WDR33: variants seen among roughly 807,000 people sequenced by gnomAD.
WDR33 encodes the protein WD repeat domain 33.
A neutral mutation model predicts 164.9 loss-of-function variants in WDR33; 47 were observed. That is an observed-to-expected ratio of 0.29 (90% confidence interval 0.23 to 0.36). WDR33 has a LOEUF of 0.36. WDR33 is among the 10% of genes least tolerant of loss of function. WDR33 has a pLI of 1.00. For synonymous variants in WDR33, 505 were observed against 589.0 expected, an observed-to-expected ratio of 0.86 and a Z score of 2.06; for missense variants, 1,137 against 1,754.1, an observed-to-expected ratio of 0.65 and a Z score of 6.28.
intron 1 of WDR33, among the ~76,000 whole-genome samples, chr2:127,775,559 A>T (rs1351186324): frequency 6.6e-6 from 1 of 152,236 alleles, no homozygotes; most frequent in East Asian, 1.9e-4. Flanking sequence ...AGCTGGGTGG[A>T]GAGTACCTGG....
chr2:127,736,796 T>A (rs991370836), intron 7 of WDR33: 104 of 985,296 alleles, frequency 1.1e-4, no homozygotes, highest in Non-Finnish European at 1.1e-4. Flanking sequence ...TATACAGGTA[T>A]AAGTTTTGCT....
At chr2:127,732,390 G>A (rs1686734587) in intron 7 of WDR33, among the ~76,000 whole-genome samples, 1 of 151,738 alleles carries the variant, frequency 6.6e-6, no homozygotes, top group Non-Finnish European at 1.5e-5. Flanking sequence ...AGGCTGCAGT[G>A]AACTGATTGC....
rs996428529 is a variant in WDR33, at chr2:127,764,245, A to G, written c.626+583T>C. 30 of 1,167,382 alleles carry G rather than the reference A, an allele frequency of 2.6e-5. No homozygotes were observed. The highest frequency in any genetic ancestry group is 3.1e-5 in the Non-Finnish European group (29 of 946,050). The allele number at this position is 1,167,382 out of a possible 1,614,324, so 72.3% of individuals were successfully genotyped here. A position where few individuals can be genotyped will look rare whatever the true frequency, so the allele number is the denominator to read the frequency against. On this transcript the variant is annotated intron_variant, in intron 6 of 21. Transcript: ENST00000322313. The surrounding 1 kb of genome is among the most constrained non-coding windows in gnomAD (Gnocchi z 6.2). ...AACAGTGAATCAGAAGAAAAGTCCT[A>G]GAGTCTTCTTGACAATGATCTGCTT...
rs11325131 is a variant in WDR33 at position 127,796,074 on chromosome 2, A to ATT, written c.-24+14936_-24+14937dup. On this transcript the variant is annotated intron_variant, in intron 1 of 21. Coordinates refer to ENST00000322313, the MANE Select transcript of WDR33 (RefSeq NM_018383.5). ...TATTAATATTAGGTGATTACTGTTA[A>ATT]TTTTTTTTTTTTTTTTTGAGACAGT... 4.3e-5 allele frequency among the ~76,000 whole-genome samples: 6 copies of ATT among 139,428 alleles called. No individual in the cohort carries two copies. In the East Asian group the frequency reaches 8.3e-4, roughly 19 times the overall value. 91.5% of individuals were successfully genotyped at this position (139,428 alleles called of 152,430 possible).
Position 127,706,481 on chromosome 2 carries a change from G to T in WDR33, c.3853C>A (p.His1285Asn). 1.2e-6 allele frequency: 2 copies of T among 1,613,384 alleles called. No homozygotes were observed. Among genetic ancestry groups the T allele is most frequent in the Non-Finnish European group, 8.5e-7 (1 of 1,179,692 alleles). Residue 1285 changes from histidine to asparagine, a missense_variant, in exon 22 of 22, where the codon CAC becomes AAC. Physicochemically the swap from His to Asn is moderately conservative, Grantham distance 68 (BLOSUM62 1). Around this residue, in one of 9 missense-constraint regions of WDR33, gnomAD observed 867 missense variants for 1,073.0 expected, o/e 0.81. Transcript: ENST00000322313. The surrounding 1 kb of genome is among the most constrained non-coding windows in gnomAD (Gnocchi z 5.1). ...GGTTCATCTCTGTGGTATCCATCGT[G>T]GTGCTCTCCGTCTAAGGAGCTGGAA... ...GRSSSLDGEH[H>N]DGYHRDEPFG...
intron 7 of WDR33, chr2:127,737,538 T>A (rs1686883663): frequency 2.1e-5 from 21 of 986,508 alleles, no homozygotes; most frequent in Non-Finnish European, 2.5e-5. Flanking sequence ...TTCAAAAGAT[T>A]GATGGGAGTC....
In WDR33 at chr2:127,710,212, A is replaced by C. The variant is rs752445998; in HGVS notation, c.3309-356T>G. 2.0e-5 allele frequency among the ~76,000 whole-genome samples: 3 copies of C among 152,226 alleles called. No homozygotes were observed. Among genetic ancestry groups the C allele is most frequent in the African/African-American group, 4.8e-5 (2 of 41,464 alleles). On this transcript the variant is annotated intron_variant, in intron 18 of 21. Coordinates refer to ENST00000322313, the MANE Select transcript of WDR33 (RefSeq NM_018383.5). The surrounding 1 kb of genome is among the most constrained non-coding windows in gnomAD (Gnocchi z 4.4). Reference sequence around the variant, plus strand: ...GAACACTGAGGCCCAGATTGCTGACATCATTTATTCAAGGACACAGAGTAA... The same window carrying C: ...GAACACTGAGGCCCAGATTGCTGACCTCATTTATTCAAGGACACAGAGTAA...
In WDR33 at chr2:127,788,777, GC is replaced by G. The variant is rs1367683077; in HGVS notation, c.-23-17774del. Among the ~76,000 whole-genome samples, 9 of 148,008 alleles carry G rather than the reference GC, an allele frequency of 6.1e-5. No homozygotes were observed. The East Asian group carries it at 1.7e-3, about 28-fold the overall frequency. Reference sequence around the variant, plus strand: ...ACCCCCCACCTCCCTCCCAGATGGGGCGGCTGGCCGGGCGGGGGGTTGACCC... The same window carrying G: ...ACCCCCCACCTCCCTCCCAGATGGGGGGCTGGCCGGGCGGGGGGTTGACCC... On this transcript the variant is annotated intron_variant, in intron 1 of 21. Transcript: ENST00000322313.
chr2:127,777,522 C>T (rs184335994), intron 1 of WDR33, among the ~76,000 whole-genome samples: 7 of 152,286 alleles, frequency 4.6e-5, no homozygotes, highest in Admixed American at 4.6e-4. Flanking sequence ...TATTATTTTG[C>T]ATTAAATTTG....
Position 127,728,894 on chromosome 2 carries a change from A to G in WDR33, c.725-2117T>C, listed in dbSNP as rs369271280. Among the ~76,000 whole-genome samples the G allele has an allele frequency of 8.1e-4, 124 of 152,356 alleles. 2 individuals carry two copies. In the South Asian group the frequency reaches 0.025, roughly 31 times the overall value. On this transcript the variant is annotated intron_variant, in intron 7 of 21. Transcript: ENST00000322313. ...GACACGTTTATTACATAAAGAACGT[A>G]TGTCTGTTTAGTTTTAAGGTATGTT...
Position 127,701,978 on chromosome 2 carries a change from GGCAGCGCTGGGCGCCACGCTGTTC to G in WDR33, c.*4321_*4344del. 12 of 1,359,842 alleles carry G rather than the reference GGCAGCGCTGGGCGCCACGCTGTTC, an allele frequency of 8.8e-6. No homozygotes were observed. The highest frequency in any genetic ancestry group is 3.3e-5 in the South Asian group (2 of 61,458). The allele number at this position is 1,359,842 out of a possible 1,614,324, so 84.2% of individuals were successfully genotyped here. A position where few individuals can be genotyped will look rare whatever the true frequency, so the allele number is the denominator to read the frequency against. On this transcript the variant is annotated 3_prime_UTR_variant, in exon 22 of 22. Coordinates refer to ENST00000322313, the MANE Select transcript of WDR33 (RefSeq NM_018383.5). ...CGTCCCGGCCCGCGCTGCTCTACAT[GGCAGCGCTGGGCGCCACGCTGTTC>G]GCCGCGCTGGGCCTTCGCAGCACGC... is the stretch of plus-strand genomic sequence containing the variant.
Position 127,716,514 on chromosome 2 carries a change from C to A in WDR33, c.2869+641G>T, listed in dbSNP as rs1347410956. ...CCAACAGCGTGCTGCTCACCACGCT[C>A]CTGCTCCAACTCTGCAAGACAGGGG... is the stretch of plus-strand genomic sequence containing the variant. On this transcript the variant is annotated intron_variant, in intron 17 of 21. Transcript: ENST00000322313. This position sits in a 1 kb window ranked among gnomAD's most constrained non-coding sequence, Gnocchi z 4.5. Among the ~76,000 whole-genome samples, 3 of 152,232 alleles carry A rather than the reference C, an allele frequency of 2.0e-5. No homozygotes were observed. The highest frequency in any genetic ancestry group is 2.9e-5 in the Non-Finnish European group (2 of 68,048).
In WDR33 at chr2:127,723,477, G is replaced by A. The variant is rs1686489227; in HGVS notation, c.1197-130C>T. The A allele has an allele frequency of 1.4e-6, 1 of 729,646 alleles. No individual in the cohort carries two copies. The highest frequency in any genetic ancestry group is 2.2e-6 in the Non-Finnish European group (1 of 451,224). 45.2% of individuals were successfully genotyped at this position (729,646 alleles called of 1,614,324 possible). On this transcript the variant is annotated intron_variant, in intron 11 of 21. Coordinates refer to ENST00000322313, the MANE Select transcript of WDR33 (RefSeq NM_018383.5). The surrounding 1 kb of genome is among the most constrained non-coding windows in gnomAD (Gnocchi z 5.9). ...TGTTTCTTCTACAAATTTAAAATGT[G>A]AGGTCATACACTTTGGCTCACATCT...
intron 1 of WDR33, among the ~76,000 whole-genome samples, chr2:127,778,126 C>T (rs1332633699): frequency 6.6e-6 from 1 of 152,066 alleles, no homozygotes. Flanking sequence ...AGACCCCCAT[C>T]TCTGCAAAAA....
intron 7 of WDR33, chr2:127,736,597 A>G (rs1164316891): frequency 1.0e-6 from 1 of 985,312 alleles, no homozygotes; most frequent in East Asian, 1.1e-4. Context: ...ATTTGTACCA[A>G]CTTGTATTTA....
At chr2:127,803,885 C>T (rs1689339626) in intron 1 of WDR33, among the ~76,000 whole-genome samples, 3 of 147,282 alleles carry the variant, frequency 2.0e-5, no homozygotes. Context: ...GAGTTCCAGG[C>T]TGCAGGCAGC....
In WDR33 at chr2:127,722,863, T is replaced by C; in HGVS notation, c.1378+95A>G. The stretch of plus-strand genomic sequence containing the variant: ...TAATTTTTATCAACATTTCTCAACA[T>C]AAATCATTTTGGTATTTCAATATAT... On this transcript the variant is annotated intron_variant, in intron 13 of 21. Transcript: ENST00000322313. The surrounding 1 kb of genome is among the most constrained non-coding windows in gnomAD (Gnocchi z 5.1). The C allele has an allele frequency of 6.4e-6, 9 of 1,412,222 alleles. No homozygotes were observed. Among genetic ancestry groups the C allele is most frequent in the Non-Finnish European group, 8.6e-6 (9 of 1,045,714 alleles). 87.5% of individuals were successfully genotyped at this position (1,412,222 alleles called of 1,614,324 possible).
chr2:127,725,314 G>A (rs1686538254), intron 8 of WDR33, 99 bp from the exon 9 acceptor site: 1 of 1,239,872 alleles, frequency 8.1e-7, no homozygotes, highest in Non-Finnish European at 1.1e-6. Flanking sequence ...ATGGCAAGAG[G>A]TTTGGCCTAG....
intron 1 of WDR33, among the ~76,000 whole-genome samples, chr2:127,775,971 T>C (rs1310951056): frequency 6.6e-6 from 1 of 152,222 alleles, no homozygotes; most frequent in Non-Finnish European, 1.5e-5. Context: ...ATCTATACCT[T>C]ATACACTTCA....
Sources: allele counts gnomAD v4.1 joint callset (sites outside exome capture counted in the v4.1 genomes callset), GRCh38; gene constraint gnomAD v4.1.1; regional missense constraint gnomAD v4.1.1; non-coding constraint Gnocchi (gnomAD v3.1); transcripts MANE v1.5; gene names NCBI Gene and HGNC (gene_info 2026-07-23, HGNC 2026-07-21).